ZFHX3: variants seen among roughly 807,000 people sequenced by gnomAD.
ZFHX3 encodes the protein zinc finger homeobox 3.
ZFHX3 carries 42 observed loss-of-function variants against 279.1 expected under a neutral mutation model. That is an observed-to-expected ratio of 0.15 (90% CI 0.12 to 0.19). The LOEUF is 0.19. Ranked by LOEUF, ZFHX3 falls within the 10% of genes least tolerant of loss-of-function variation. ZFHX3 has a pLI of 1.00. For missense variants in ZFHX3, 4,981 were observed against 4,754.0 expected (o/e 1.05, Z -1.40); for synonymous variants, 2,293 against 1,957.8 (o/e 1.17, Z -4.52).
chr16:73,422,851 A>AT (rs1229464290), intron 3 of ZFHX3, among the ~76,000 whole-genome samples: 1 of 152,232 alleles, frequency 6.6e-6, no homozygotes, highest in Non-Finnish European at 1.5e-5. Context: ...TTGGGCTTCC[A>AT]TAACAAAATA....
At chr16:73,315,377 A>G (rs1309709802) in intron 4 of ZFHX3, among the ~76,000 whole-genome samples, 1 of 152,180 alleles carries the variant, frequency 6.6e-6, no homozygotes, top group Non-Finnish European at 1.5e-5. Context: ...AGCAATTTCT[A>G]TAGTAAAGTT....
At chr16:73,443,194 C>A (rs1204794862) in intron 3 of ZFHX3, among the ~76,000 whole-genome samples, 1 of 152,044 alleles carries the variant, frequency 6.6e-6, no homozygotes, top group African/African-American at 2.4e-5. Flanking sequence ...ATGACAATAA[C>A]AGAAAGAAGG....
In ZFHX3 at chr16:73,057,747, C is replaced by T. The variant is rs566371997; in HGVS notation, c.-24+783G>A. On this transcript the variant is annotated intron_variant, in intron 1 of 8. Transcript: ENST00000397992. ...GCTGCCAGTGGGGCAGGGCGGAGAG[C>T]GCACAGGTAGAGGATCGCGCGGCCG... is the stretch of plus-strand genomic sequence containing the variant. 3.3e-5 allele frequency among the ~76,000 whole-genome samples: 5 copies of T among 151,448 alleles called. No homozygotes were observed. The South Asian group carries it at 1.0e-3, about 31-fold the overall frequency.
Position 73,839,183 on chromosome 16 carries a change from C to A in ZFHX3, c.-1608+52468G>T, listed in dbSNP as rs183946817. Among the ~76,000 whole-genome samples, 608 of 151,320 alleles carry A rather than the reference C, an allele frequency of 4.0e-3. 8 individuals are homozygous for A. Among genetic ancestry groups the A allele is most frequent in the African/African-American group, 0.014 (570 of 41,316 alleles). On this transcript the variant is annotated intron_variant, in intron 1 of 17. Coordinates refer to the ZFHX3 transcript ENST00000641206. ...CACATCCTGGTGAACATGGTGAAAC[C>A]CTGTCTCTACTAAAAATGCAAAAAC...
At position 73,591,893 on chromosome 16, in the gene ZFHX3, GTTAATAATT is replaced by G. The variant is rs369434140; in HGVS notation, c.-1547+88278_-1547+88286del. On this transcript the variant is annotated intron_variant, in intron 2 of 17. Coordinates refer to the ZFHX3 transcript ENST00000641206. ...TATTTGATGATATTAAATAATTATT[GTTAATAATT>G]TTTAGGTATGAACTGTTGGTGTGGC... 4.1e-3 allele frequency among the ~76,000 whole-genome samples: 615 copies of G among 151,786 alleles called. 2 individuals carry two copies. Among genetic ancestry groups the G allele is most frequent in the Non-Finnish European group, 6.0e-3 (406 of 67,970 alleles).
Position 72,793,816 on chromosome 16 carries a change from G to A in ZFHX3, c.8866C>T (p.Leu2956=). ...QKRFRTQMTN[L]QLKVLKSCFN... is the part of the protein sequence containing the mutation. Reference sequence around the variant, plus strand: ...CATGACTTGAGGACCTTCAGCTGCAGATTGGTCATTTGAGTGCGAAAACGT... The same window carrying A: ...CATGACTTGAGGACCTTCAGCTGCAAATTGGTCATTTGAGTGCGAAAACGT... The change falls in exon 9 of 10, where the codon CTG becomes TTG. Residue 2956 remains leucine (L), a synonymous_variant. Transcript: ENST00000268489. The surrounding 1 kb of genome is among the most constrained non-coding windows in gnomAD (Gnocchi z 4.3). 8 of 1,614,196 alleles carry A rather than the reference G, an allele frequency of 5.0e-6. No individual in the cohort carries two copies. The highest frequency in any genetic ancestry group is 6.8e-6 in the Non-Finnish European group (8 of 1,180,038).
At chr16:73,291,084 A>G (rs9921245) in intron 4 of ZFHX3, among the ~76,000 whole-genome samples, 2,843 of 152,264 alleles carry the variant, frequency 0.019, 57 homozygotes, top group African/African-American at 0.05. Context: ...AACCCAATCC[A>G]ACTAAACCCC....
intron 2 of ZFHX3, among the ~76,000 whole-genome samples, chr16:73,591,583 C>T (rs1362806995): frequency 6.8e-6 from 1 of 147,432 alleles, no homozygotes; most frequent in Non-Finnish European, 1.5e-5. Flanking sequence ...GTCCCAGTTA[C>T]TCGGGAGGCT....
In ZFHX3 at chr16:73,418,591, A is replaced by G. The variant is rs369443645; in HGVS notation, c.-1291+37412T>C. 3.9e-5 allele frequency among the ~76,000 whole-genome samples: 6 copies of G among 152,234 alleles called. No homozygotes were observed. In the East Asian group the frequency reaches 5.8e-4, roughly 15 times the overall value. On this transcript the variant is annotated intron_variant, in intron 3 of 17. Transcript: ENST00000641206. Reference sequence around the variant, plus strand: ...AAAGAAAGAGACATGTCAGAATCCCACAGACAACAGCTTAGCCCTGCCTTC... The same window carrying G: ...AAAGAAAGAGACATGTCAGAATCCCGCAGACAACAGCTTAGCCCTGCCTTC...
chr16:72,863,626 G>C (rs560333601), intron 4 of ZFHX3, among the ~76,000 whole-genome samples: 1 of 152,168 alleles, frequency 6.6e-6, no homozygotes, highest in Non-Finnish European at 1.5e-5. Flanking sequence ...CAGGGAGTGA[G>C]GGGTAGTGTA....
chr16:73,364,721 A>G (rs961096501), intron 3 of ZFHX3, among the ~76,000 whole-genome samples: 94 of 152,238 alleles, frequency 6.2e-4, no homozygotes, highest in African/African-American at 2.2e-3. Flanking sequence ...GAGTCCATGG[A>G]CTTGAACTGT....
intron 5 of ZFHX3, among the ~76,000 whole-genome samples, chr16:73,198,582 A>G (rs1350794822): frequency 2.6e-5 from 4 of 152,222 alleles, no homozygotes; most frequent in Non-Finnish European, 5.9e-5. Flanking sequence ...GAGGCACAAA[A>G]GGCAAATGTA....
intron 2 of ZFHX3, among the ~76,000 whole-genome samples, chr16:73,547,507 A>G (rs2020139393): frequency 1.3e-5 from 2 of 152,160 alleles, no homozygotes; most frequent in South Asian, 2.1e-4. Flanking sequence ...AGGTCTCTAA[A>G]GATCCTTGCC....
intron 4 of ZFHX3, among the ~76,000 whole-genome samples, chr16:73,301,133 G>T (rs2015047242): frequency 6.6e-6 from 1 of 152,146 alleles, no homozygotes; most frequent in Non-Finnish European, 1.5e-5. Context: ...AGAGTCCTTT[G>T]GATAACTTCA....
At chr16:73,362,969 A>G (rs2016458268) in intron 3 of ZFHX3, among the ~76,000 whole-genome samples, 1 of 152,280 alleles carries the variant, frequency 6.6e-6, no homozygotes, top group Non-Finnish European at 1.5e-5. Flanking sequence ...TTGATTAAAC[A>G]AATGATCACA....
intron 2 of ZFHX3, among the ~76,000 whole-genome samples, chr16:73,555,697 T>C (rs974897243): frequency 6.6e-6 from 1 of 151,450 alleles, no homozygotes; most frequent in Admixed American, 6.6e-5. Context: ...CCGGGCGTGG[T>C]GGCGGGCACC....
intron 7 of ZFHX3, chr16:73,123,206 T>TAAA (rs34803776): frequency 8.1e-5 from 11 of 135,882 alleles, no homozygotes; most frequent in Non-Finnish European, 1.1e-4. Flanking sequence ...TGTGGTAGAT[T>TAAA]AAAAAAAAAA....
chr16:73,079,959 C>G (rs147381323), intron 8 of ZFHX3, among the ~76,000 whole-genome samples: 447 of 152,208 alleles, frequency 2.9e-3, no homozygotes, highest in Non-Finnish European at 5.6e-3. Flanking sequence ...GTTTAATTCC[C>G]TGATGCAGAC....
Position 72,797,248 on chromosome 16 carries a change from C to T in ZFHX3, c.5434G>A (p.Glu1812Lys), listed in dbSNP as rs879025548. Residue 1812 changes from glutamate to lysine, a missense_variant, in exon 9 of 10, where the codon GAG (glutamate) becomes AAG (lysine). Physicochemically the swap from Glu to Lys is moderately conservative, Grantham distance 56 (BLOSUM62 1). Around this residue, in one of 7 missense-constraint regions of ZFHX3, gnomAD observed 1,751 missense variants for 1,770.0 expected, o/e 0.99. Coordinates refer to ENST00000268489, the MANE Select transcript of ZFHX3 (RefSeq NM_006885.4). ...CCACTGGTCACTGGCAAGCTCACCT[C>T]GGGGTTAAGCTGGAACTCAGCACTG... Reference protein sequence around the residue: ...IPSAEFQLNPEVSLPVTSGAL... With the variant: ...IPSAEFQLNPKVSLPVTSGAL... The T allele has an allele frequency of 8.1e-6, 13 of 1,613,580 alleles. No individual in the cohort carries two copies. Among genetic ancestry groups the T allele is most frequent in the Admixed American group, 1.7e-5 (1 of 60,002 alleles).
Sources: allele counts gnomAD v4.1 joint callset (sites outside exome capture counted in the v4.1 genomes callset), GRCh38; gene constraint gnomAD v4.1.1; regional missense constraint gnomAD v4.1.1; non-coding constraint Gnocchi (gnomAD v3.1); transcripts MANE v1.5; gene names NCBI Gene and HGNC (gene_info 2026-07-23, HGNC 2026-07-21).